The following WWP2 variants were observed in gnomAD, a reference collection of about 807,000 sequenced individuals.
The protein encoded by WWP2 is NEDD4-like E3 ubiquitin-protein ligase WWP2.
In WWP2, 57 loss-of-function variants were observed where a neutral mutation model predicts 121.0. The observed-to-expected ratio is 0.47, with a 90% CI of 0.38 to 0.59. WWP2 has a LOEUF of 0.59. Among genes scored for constraint, WWP2 ranks in the 20% least tolerant of loss-of-function variants. WWP2 has a pLI of 0.00. For missense variants in WWP2, 962 were observed against 1,158.9 expected (o/e 0.83, Z 2.47); for synonymous variants, 449 against 441.3 (o/e 1.02, Z -0.22).
chr16:69,930,259 G>T lies in WWP2; in HGVS notation c.1445+1G>T. On this transcript the variant is annotated splice_donor_variant, in intron 13 of 23. Coordinates refer to ENST00000359154, the MANE Select transcript of WWP2 (RefSeq NM_001270454.2). LOFTEE classifies it high-confidence loss of function. Reference sequence around the variant, plus strand: ...ATCCTCGCCCGGGGTTTGAGTCGGGGTAAGGACTTTGTGCAGGTAGCAGCA... The same window carrying T: ...ATCCTCGCCCGGGGTTTGAGTCGGGTTAAGGACTTTGTGCAGGTAGCAGCA... 1 of 1,613,814 alleles carries T rather than the reference G, an allele frequency of 6.2e-7. No individual in the cohort carries two copies. Among genetic ancestry groups the T allele is most frequent in the South Asian group, 1.1e-5 (1 of 91,024 alleles).
chr16:69,821,167 G>A (rs761762252), intron 4 of WWP2, among the ~76,000 whole-genome samples: 11 of 152,132 alleles, frequency 7.2e-5, no homozygotes, highest in Non-Finnish European at 1.3e-4. Flanking sequence ...TCTGTGTGTC[G>A]CTTTCTATCA....
chr16:69,864,953 C>T lies in WWP2; in HGVS notation c.576-6851C>T, dbSNP rs145793802. 3.2e-3 allele frequency among the ~76,000 whole-genome samples: 485 copies of T among 151,952 alleles called. 8 individuals carry two copies. The East Asian group carries it at 0.053, about 17-fold the overall frequency. On this transcript the variant is annotated intron_variant, in intron 6 of 23. Transcript: ENST00000359154. The stretch of plus-strand genomic sequence containing the variant: ...TCCTGATAGATATGTAATGATATCT[C>T]ATTGTAGTTTTAATTTGCACTTCCC...
intron 7 of WWP2, among the ~76,000 whole-genome samples, chr16:69,872,958 A>G (rs1426162516): frequency 6.6e-6 from 1 of 152,244 alleles, no homozygotes; most frequent in Admixed American, 6.5e-5. Context: ...AAGATTGTCA[A>G]ATCTTTAGAG....
chr16:69,805,248 C>T (rs1256722382), intron 4 of WWP2, among the ~76,000 whole-genome samples: 1 of 151,998 alleles, frequency 6.6e-6, no homozygotes, highest in African/African-American at 2.4e-5. Flanking sequence ...TAAGGCCAGG[C>T]TGGTCTCAAA....
intron 6 of WWP2, among the ~76,000 whole-genome samples, chr16:69,853,190 C>A (rs1021154206): frequency 1.3e-5 from 2 of 152,108 alleles, no homozygotes; most frequent in African/African-American, 4.8e-5. Context: ...AGAAAACACT[C>A]TAGGTATTTT....
chr16:69,927,589 G>A (rs920858903), intron 11 of WWP2, among the ~76,000 whole-genome samples: 2 of 152,228 alleles, frequency 1.3e-5, no homozygotes, highest in Non-Finnish European at 2.9e-5. Context: ...CAGAAATGAC[G>A]ACACAGGCCT....
Position 69,939,949 on chromosome 16 carries a change from G to GC in WWP2, c.*13dup. On this transcript the variant is annotated 3_prime_UTR_variant, in exon 24 of 24. Coordinates refer to ENST00000359154, the MANE Select transcript of WWP2 (RefSeq NM_001270454.2). ...GCTTTGGACAGGAGTAACCGAGGCC[G>GC]CCCCTCCCACGCCCCCCAGCGCACA... 6.2e-7 allele frequency: 1 copy of GC among 1,609,882 alleles called. No individual in the cohort carries two copies. The highest frequency in any genetic ancestry group is 1.1e-5 in the South Asian group (1 of 90,494).
At chr16:69,763,128 C>G (rs2038653418) in intron 1 of WWP2, among the ~76,000 whole-genome samples, 1 of 152,210 alleles carries the variant, frequency 6.6e-6, no homozygotes, top group South Asian at 2.1e-4. Context: ...TTTTAGCTTA[C>G]ACTGTTGACC....
At chr16:69,803,253 C>T (rs16959200) in intron 4 of WWP2, among the ~76,000 whole-genome samples, 9,788 of 151,950 alleles carry the variant, frequency 0.064, 1,032 homozygotes, top group African/African-American at 0.22. Flanking sequence ...ATATTCTAGA[C>T]GTCCTGACAT....
chr16:69,925,378 T>C lies in WWP2; in HGVS notation c.1180-52T>C. The C allele has an allele frequency of 6.3e-7, 1 of 1,585,756 alleles. No individual in the cohort carries two copies. Among genetic ancestry groups the C allele is most frequent in the Non-Finnish European group, 8.6e-7 (1 of 1,166,816 alleles). ...ATTTTTTATTGATTGATTGATTTTT[T>C]CACCAGTGGCTTTTTGTAACCTCTG... On this transcript the variant is annotated intron_variant, in intron 10 of 23. Transcript: ENST00000359154. This position sits in a 1 kb window ranked among gnomAD's most constrained non-coding sequence, Gnocchi z 4.0.
chr16:69,824,680 A>G (rs1378871473), intron 4 of WWP2, among the ~76,000 whole-genome samples: 4 of 151,142 alleles, frequency 2.6e-5, no homozygotes, highest in Admixed American at 2.6e-4. Context: ...GTGCATCTGT[A>G]TATATTTGAA....
chr16:69,927,814 CTTTCT>C (rs1250937601), intron 11 of WWP2, among the ~76,000 whole-genome samples: 3 of 152,130 alleles, frequency 2.0e-5, no homozygotes, highest in South Asian at 4.1e-4. Flanking sequence ...TTTCCTTTGG[CTTTCT>C]TTTATTTATT....
chr16:69,925,483 G>A lies in WWP2; in HGVS notation c.1233G>A (p.Trp411Ter). 1 of 1,613,964 alleles carries A rather than the reference G, an allele frequency of 6.2e-7. No individual in the cohort carries two copies. The highest frequency in any genetic ancestry group is 1.1e-5 in the South Asian group (1 of 91,052). Residue 411 changes from tryptophan (W) to a stop codon, truncating the protein, a stop_gained and splice_region_variant, in exon 11 of 24, where the codon TGG becomes TGA. Coordinates refer to ENST00000359154, the MANE Select transcript of WWP2 (RefSeq NM_001270454.2). LOFTEE classifies it high-confidence loss of function. The surrounding 1 kb of genome is among the most constrained non-coding windows in gnomAD (Gnocchi z 4.0). ...HDPLGPLPPG[W>*]EKRQDNGRVY... ...CCCTGGGCCCCCTCCCTCCTGGCTGGGGTAAGTACTGAGTTCTCTTCCTGG... is the reference window on the plus strand; with the variant it reads ...CCCTGGGCCCCCTCCCTCCTGGCTGAGGTAAGTACTGAGTTCTCTTCCTGG...
chr16:69,914,300 T>TA (rs1194011572), intron 9 of WWP2, among the ~76,000 whole-genome samples: 2 of 151,732 alleles, frequency 1.3e-5, no homozygotes, highest in Admixed American at 6.6e-5. Flanking sequence ...GCCCAGAGGA[T>TA]AAAAAAAGAC....
At position 69,822,407 on chromosome 16, in the gene WWP2, C is replaced by T. The variant is rs144846888; in HGVS notation, c.341-17719C>T. 1.3e-4 allele frequency among the ~76,000 whole-genome samples: 20 copies of T among 152,282 alleles called. No homozygotes were observed. In the East Asian group the frequency reaches 3.9e-3, roughly 29 times the overall value. On this transcript the variant is annotated intron_variant, in intron 4 of 23. Coordinates refer to ENST00000359154, the MANE Select transcript of WWP2 (RefSeq NM_001270454.2). ...CATCCCTGTCCTCCTGGAATTTAGA[C>T]TCTAGAGAGGAAAACAGAAAGTCGA...
intron 2 of WWP2, among the ~76,000 whole-genome samples, chr16:69,792,389 T>C (rs1262974647): frequency 4.6e-5 from 7 of 152,232 alleles, no homozygotes; most frequent in African/African-American, 1.7e-4. Context: ...ATTTTGTCTT[T>C]ATATGATTTT....
intron 4 of WWP2, among the ~76,000 whole-genome samples, chr16:69,828,895 G>A (rs1482287908): frequency 6.6e-6 from 1 of 151,996 alleles, no homozygotes; most frequent in Non-Finnish European, 1.5e-5. Context: ...AATCACTTCT[G>A]AGCTCTCTTC....
chr16:69,786,867 C>T (rs2151795192), intron 1 of WWP2, 129 bp from the exon 2 acceptor site: 1 of 699,550 alleles, frequency 1.4e-6, no homozygotes, highest in African/African-American at 1.8e-5. Flanking sequence ...AAACTATACC[C>T]TGGTTGCAGT....
chr16:69,933,900 G>C, intron 16 of WWP2, 70 bp from the exon 17 acceptor site: 1 of 1,540,392 alleles, frequency 6.5e-7, no homozygotes, highest in Non-Finnish European at 8.9e-7. Context: ...ATGGTGAAGA[G>C]ACACAGCTCC....
Sources: allele counts gnomAD v4.1 joint callset (sites outside exome capture counted in the v4.1 genomes callset), GRCh38; gene constraint gnomAD v4.1.1; non-coding constraint Gnocchi (gnomAD v3.1); transcripts MANE v1.5; gene names NCBI Gene and HGNC (gene_info 2026-07-23, HGNC 2026-07-21).